The following ATF7IP variants were observed in gnomAD, a reference collection of about 807,000 sequenced individuals.
The protein encoded by ATF7IP is activating transcription factor 7-interacting protein 1.
A neutral mutation model predicts 106.4 loss-of-function variants in ATF7IP; 23 were observed. The observed-to-expected ratio is 0.22, with a 90% CI of 0.16 to 0.31. The LOEUF is 0.31. ATF7IP is among the 10% of genes least tolerant of loss of function. The pLI, the probability that ATF7IP is intolerant of heterozygous loss-of-function variation, is 1.00. For missense variants in ATF7IP, 1,334 were observed against 1,524.3 expected (o/e 0.88, Z 2.08); for synonymous variants, 542 against 539.0 (o/e 1.01, Z -0.08).
At position 14,424,212 on chromosome 12, in the gene ATF7IP, A is replaced by G. The variant is rs753551291; in HGVS notation, c.297A>G (p.Val99=). 1 of 1,614,214 alleles carries G rather than the reference A, an allele frequency of 6.2e-7. No homozygotes were observed. The highest frequency in any genetic ancestry group is 1.1e-5 in the South Asian group (1 of 91,090). ...KETPCILSVN[V]KNKQDDDLNC... is the part of the protein sequence containing the mutation. ...CACCCTGTATCCTAAGTGTTAATGT[A>G]AAAAACAAGCAGGATGATGATTTAA... is the stretch of plus-strand genomic sequence containing the variant. The change falls in exon 2 of 15, where the codon GTA becomes GTG. Residue 99 remains valine (V), a synonymous_variant. Coordinates refer to ENST00000261168, the MANE Select transcript of ATF7IP (RefSeq NM_018179.5).
At chr12:14,412,730 G>A (rs535408469) in intron 1 of ATF7IP, among the ~76,000 whole-genome samples, 1 of 151,272 alleles carries the variant, frequency 6.6e-6, no homozygotes, top group South Asian at 2.1e-4. Context: ...TGTATGACTT[G>A]TGGCTGGGTG....
rs373638599 is a variant in ATF7IP at position 14,424,557 on chromosome 12, G to T, written c.642G>T (p.Pro214=). Residue 214 remains proline (P), a synonymous_variant, in exon 2 of 15, where the codon CCG becomes CCT. Coordinates refer to ENST00000261168, the MANE Select transcript of ATF7IP (RefSeq NM_018179.5). ...PTSSDPIPGE[P]VPVEPISGDC... is the part of the protein sequence containing the mutation. ...CTAGTGATCCCATCCCAGGTGAACC[G>T]GTCCCTGTTGAACCCATTTCTGGTG... is the stretch of plus-strand genomic sequence containing the variant. 10 of 1,613,994 alleles carry T rather than the reference G, an allele frequency of 6.2e-6. No homozygotes were observed. Among genetic ancestry groups the T allele is most frequent in the African/African-American group, 1.3e-5 (1 of 74,896 alleles).
At chr12:14,405,246 G>C (rs1271936814) in intron 1 of ATF7IP, among the ~76,000 whole-genome samples, 1 of 151,892 alleles carries the variant, frequency 6.6e-6, no homozygotes, top group African/African-American at 2.4e-5. Context: ...AAATAGAATT[G>C]GCTGGAAAAT....
rs552722541 is a variant in ATF7IP, at chr12:14,453,384, G to T, written c.1996-3177G>T. Among the ~76,000 whole-genome samples the T allele has an allele frequency of 1.6e-4, 24 of 151,630 alleles. No homozygotes were observed. The South Asian group carries it at 4.8e-3, about 30-fold the overall frequency. ...CTTAGCTTTTTTTCATTCTCTTTTT[G>T]CTCCTCTGGCTTGATAATTTCAAAT... On this transcript the variant is annotated intron_variant, in intron 6 of 14. Transcript: ENST00000261168.
At chr12:14,496,397 T>C (rs574904176) in intron 14 of ATF7IP, 54 bp downstream of exon 14, 1 of 1,184,050 alleles carries the variant, frequency 8.4e-7, no homozygotes. Flanking sequence ...GTATAAAATA[T>C]TATTGTATTT....
chr12:14,493,585 T>A (rs538150621), intron 13 of ATF7IP, among the ~76,000 whole-genome samples: 1 of 152,264 alleles, frequency 6.6e-6, no homozygotes, highest in South Asian at 2.1e-4. Context: ...GAAGCTGTTC[T>A]TTCTGGCAAA....
rs557399560 is a variant in ATF7IP, at chr12:14,444,196, T to C, written c.1930-2792T>C. On this transcript the variant is annotated intron_variant, in intron 5 of 14. Coordinates refer to ENST00000261168, the MANE Select transcript of ATF7IP (RefSeq NM_018179.5). Reference sequence around the variant, plus strand: ...TAGAAAATGCCATTTTAAGTAGATTTAACTAAAAATGTCTATTTTACTTTT... The same window carrying C: ...TAGAAAATGCCATTTTAAGTAGATTCAACTAAAAATGTCTATTTTACTTTT... 2.6e-5 allele frequency among the ~76,000 whole-genome samples: 4 copies of C among 152,346 alleles called. No homozygotes were observed. The South Asian group carries it at 6.2e-4, about 24-fold the overall frequency.
intron 6 of ATF7IP, among the ~76,000 whole-genome samples, chr12:14,447,470 C>T (rs1340457396): frequency 2.0e-5 from 3 of 151,646 alleles, no homozygotes; most frequent in Non-Finnish European, 4.4e-5. Flanking sequence ...CTAGTAGAGA[C>T]GGGGTTTCAC....
chr12:14,430,336 G>A (rs955997110), intron 2 of ATF7IP, among the ~76,000 whole-genome samples: 5 of 152,224 alleles, frequency 3.3e-5, no homozygotes, highest in African/African-American at 1.2e-4. Context: ...CCAAGGGGCA[G>A]TTTTGGTGAA....
At chr12:14,426,262 G>A (rs1941842412) in intron 2 of ATF7IP, among the ~76,000 whole-genome samples, 2 of 151,942 alleles carry the variant, frequency 1.3e-5, no homozygotes, top group South Asian at 2.1e-4. Flanking sequence ...CTTCTTTTAT[G>A]GTCAAACTGA....
At chr12:14,418,378 C>G (rs535600183) in intron 1 of ATF7IP, among the ~76,000 whole-genome samples, 1 of 152,064 alleles carries the variant, frequency 6.6e-6, no homozygotes, top group Non-Finnish European at 1.5e-5. Context: ...CATCTTCTGC[C>G]GTAAAATACC....
rs1040545099 is a variant in ATF7IP, at chr12:14,372,970, T to C, written c.-8+7143T>C. On this transcript the variant is annotated intron_variant, in intron 1 of 14. Coordinates refer to ENST00000261168, the MANE Select transcript of ATF7IP (RefSeq NM_018179.5). ...TCTTTGGTTCAGTAATTCTCAGTGA[T>C]AATGCCTACCATTTTGTAGAAGGAT... Among the ~76,000 whole-genome samples, 9 of 152,158 alleles carry C rather than the reference T, an allele frequency of 5.9e-5. No homozygotes were observed. In the East Asian group the frequency reaches 1.5e-3, roughly 26 times the overall value.
At chr12:14,429,989 T>C (rs559680275) in intron 2 of ATF7IP, among the ~76,000 whole-genome samples, 1 of 152,152 alleles carries the variant, frequency 6.6e-6, no homozygotes, top group Non-Finnish European at 1.5e-5. Flanking sequence ...TAGAAAAATA[T>C]AGTAGGTAGC....
intron 1 of ATF7IP, chr12:14,416,815 T>C (rs1220691646): frequency 1.5e-6 from 1 of 680,492 alleles, no homozygotes; most frequent in Middle Eastern, 7.4e-4. Context: ...TTTAGACTAT[T>C]TCGGCTTTGA....
rs536776442 is a variant in ATF7IP, at chr12:14,433,651, CAA to C, written c.1559-685_1559-684del. ...CCCCACTGCACTCCAGCCTGGGCGA[CAA>C]GAGCGAAACTCAGTCTCAAAAAAAA... is the stretch of plus-strand genomic sequence containing the variant. On this transcript the variant is annotated intron_variant, in intron 2 of 14. Coordinates refer to ENST00000261168, the MANE Select transcript of ATF7IP (RefSeq NM_018179.5). 2.7e-3 allele frequency among the ~76,000 whole-genome samples: 411 copies of C among 149,612 alleles called. 2 individuals are homozygous for C. Among genetic ancestry groups the C allele is most frequent in the African/African-American group, 9.6e-3 (388 of 40,574 alleles).
chr12:14,422,871 G>A (rs947112605), intron 1 of ATF7IP, among the ~76,000 whole-genome samples: 1 of 152,104 alleles, frequency 6.6e-6, no homozygotes, highest in East Asian at 1.9e-4. Context: ...TTGTGTACAA[G>A]TTTTTGTGTG....
chr12:14,424,081 A>G lies in ATF7IP; in HGVS notation c.166A>G (p.Thr56Ala), dbSNP rs779732263. 2.5e-6 allele frequency: 4 copies of G among 1,614,078 alleles called. No homozygotes were observed. The highest frequency in any genetic ancestry group is 1.3e-5 in the African/African-American group (1 of 74,922). Residue 56 changes from threonine to alanine, a missense_variant, in exon 2 of 15, where the codon ACC becomes GCC. Thr to Ala is a moderately conservative substitution (Grantham distance 58). Around this residue, in one of 10 missense-constraint regions of ATF7IP, gnomAD observed 74 missense variants for 101.9 expected, o/e 0.73. Coordinates refer to ENST00000261168, the MANE Select transcript of ATF7IP (RefSeq NM_018179.5). ...CCATGAAAATGGAGATTTGGACCCAACCTCACCTTTGGAAAACATGGATTA... is the reference window on the plus strand; with the variant it reads ...CCATGAAAATGGAGATTTGGACCCAGCCTCACCTTTGGAAAACATGGATTA... Reference protein sequence around the residue: ...GNHENGDLDPTSPLENMDYIK... With the variant: ...GNHENGDLDPASPLENMDYIK...
At chr12:14,488,202 GCA>G (rs373588944) in intron 13 of ATF7IP, among the ~76,000 whole-genome samples, 1 of 151,592 alleles carries the variant, frequency 6.6e-6, no homozygotes, top group Non-Finnish European at 1.5e-5. Flanking sequence ...ACACACACAT[GCA>G]CACACACACG....
At chr12:14,468,378 C>T (rs766693775) in intron 10 of ATF7IP, among the ~76,000 whole-genome samples, 4 of 150,116 alleles carry the variant, frequency 2.7e-5, no homozygotes, top group South Asian at 2.1e-4. Flanking sequence ...TAGTGGCTCA[C>T]GTCTATAATC....
Sources: gnomAD v4.1 joint callset for allele counts (sites outside exome capture counted in the v4.1 genomes callset) on GRCh38, gnomAD v4.1.1 for gene constraint, gnomAD v4.1.1 regional missense constraint, MANE v1.5 for transcripts, NCBI Gene and HGNC (gene_info 2026-07-23, HGNC 2026-07-21) for gene names.